TTLL4: variants seen among roughly 807,000 people sequenced by gnomAD.
TTLL4 encodes tubulin monoglutamylase TTLL4.
In TTLL4, 85 loss-of-function variants were observed where a neutral mutation model predicts 122.7. That is an observed-to-expected ratio of 0.69 (90% CI 0.58 to 0.83). The LOEUF (loss-of-function observed/expected upper bound fraction) is 0.83, where lower values mean the gene tolerates loss of function less well. Ranked by LOEUF, TTLL4 falls within the 40% of genes least tolerant of loss-of-function variation. The probability of loss-of-function intolerance (pLI) is 0.00; values close to 1 mark genes in which losing one functional copy is unlikely to be tolerated. For missense variants in TTLL4, 1,363 were observed against 1,488.6 expected, an observed-to-expected ratio of 0.92 and a Z score of 1.39; for synonymous variants, 553 against 563.0, an observed-to-expected ratio of 0.98 and a Z score of 0.25.
chr2:218,749,161 G>A, intron 13 of TTLL4, 92 bp from the exon 14 acceptor site: 1 of 1,551,942 alleles, frequency 6.4e-7, no homozygotes. Context: ...GCTTCTGCCT[G>A]CCTATCTCTG....
intron 1 of TTLL4, among the ~76,000 whole-genome samples, chr2:218,716,172 T>G (rs1322231575): frequency 6.6e-6 from 1 of 152,228 alleles, no homozygotes; most frequent in East Asian, 1.9e-4. Context: ...ATTCTAATTT[T>G]CTTTGGGAAG....
intron 19 of TTLL4, 152 bp from the exon 20 acceptor site, chr2:218,753,982 G>T (rs186616297): frequency 2.8e-5 from 34 of 1,219,318 alleles, no homozygotes; most frequent in Non-Finnish European, 3.0e-5. Context: ...CAAGTAAATA[G>T]AATTTTTTTT....
chr2:218,753,633 T>C lies in TTLL4; in HGVS notation c.3308T>C (p.Leu1103Pro). The change falls in exon 19 of 20, where the codon CTC (leucine) becomes CCC (proline). Residue 1103 changes from leucine (L) to proline (P), a missense_variant. Physicochemically the swap from Leu to Pro is moderately conservative, Grantham distance 98. This residue lies in a region of TTLL4 where 596 missense variants were observed against 655.8 expected (regional missense o/e 0.91). Coordinates refer to ENST00000392102, the MANE Select transcript of TTLL4 (RefSeq NM_014640.5). ...ACTATCTCAAAGGATGACGTGATACTCAATGCCTTCAGCAAATCAGAGACT... is the reference window on the plus strand; with the variant it reads ...ACTATCTCAAAGGATGACGTGATACCCAATGCCTTCAGCAAATCAGAGACT... ...LLTISKDDVI[L>P]NAFSKSETSK... 1.2e-6 allele frequency: 2 copies of C among 1,614,186 alleles called. No homozygotes were observed. The highest frequency in any genetic ancestry group is 8.5e-7 in the Non-Finnish European group (1 of 1,180,046).
chr2:218,755,987 T>A (rs763401064), downstream of TTLL4, among the ~76,000 whole-genome samples: 1 of 152,194 alleles, frequency 6.6e-6, no homozygotes. Context: ...AGTAAGGACT[T>A]TAAAGTCGGG....
At chr2:218,730,063 A>G (rs1452856372) in intron 2 of TTLL4, among the ~76,000 whole-genome samples, 1 of 152,100 alleles carries the variant, frequency 6.6e-6, no homozygotes, top group Non-Finnish European at 1.5e-5. Flanking sequence ...TATGTACAAG[A>G]TCATATGTCC....
chr2:218,712,036 A>G (rs778715066), intron 1 of TTLL4, among the ~76,000 whole-genome samples: 47 of 152,010 alleles, frequency 3.1e-4, no homozygotes, highest in Non-Finnish European at 6.2e-4. Flanking sequence ...CTTATATTGG[A>G]CTGAATCAAT....
Position 218,754,168 on chromosome 2 carries a change from T to C in TTLL4, c.3379T>C (p.Ser1127Pro), listed in dbSNP as rs774749581. ...CTCCTGTGAGGTTAGCCTACTACTC[T>C]CTGAAGACGGGACCACGCCCAAATC... ...QSSCEVSLLL[S>P]EDGTTPKSKK... The change falls in exon 20 of 20, where the codon TCT becomes CCT. Residue 1127 changes from serine to proline, a missense_variant. Ser to Pro is a moderately conservative substitution (Grantham distance 74). Around this residue, in one of 3 missense-constraint regions of TTLL4, gnomAD observed 596 missense variants for 655.8 expected, o/e 0.91. Transcript: ENST00000392102. 89 of 1,614,058 alleles carry C rather than the reference T, an allele frequency of 5.5e-5. No homozygotes were observed. The highest frequency in any genetic ancestry group is 7.4e-5 in the Non-Finnish European group (87 of 1,180,028).
At chr2:218,735,655 A>T (rs1192995410) in intron 2 of TTLL4, among the ~76,000 whole-genome samples, 1 of 152,130 alleles carries the variant, frequency 6.6e-6, no homozygotes, top group Non-Finnish European at 1.5e-5. Context: ...TTCCATTCAG[A>T]ATTATCCCAG....
At chr2:218,749,011 T>C (rs1942940006) in intron 13 of TTLL4, 77 bp downstream of exon 13, 6 of 1,499,396 alleles carry the variant, frequency 4.0e-6, no homozygotes, top group Non-Finnish European at 5.5e-6. Flanking sequence ...ACTGCTGTGC[T>C]CTGGACTTTG....
At position 218,746,136 on chromosome 2, in the gene TTLL4, C is replaced by A; in HGVS notation, c.1898-19C>A. Reference sequence around the variant, plus strand: ...GACTGAGCTGTTAGCAAGGCTGATTCCTGATGTACCTCCCATAGGAAACGA... The same window carrying A: ...GACTGAGCTGTTAGCAAGGCTGATTACTGATGTACCTCCCATAGGAAACGA... On this transcript the variant is annotated intron_variant, in intron 7 of 19. Coordinates refer to ENST00000392102, the MANE Select transcript of TTLL4 (RefSeq NM_014640.5). The A allele has an allele frequency of 6.2e-7, 1 of 1,614,076 alleles. No individual in the cohort carries two copies. The highest frequency in any genetic ancestry group is 8.5e-7 in the Non-Finnish European group (1 of 1,179,986).
rs548186206 is a variant in TTLL4 at position 218,730,311 on chromosome 2, C to CAAAAAAAAAAAAAAAAAAAAAAA, written c.-99+2980_-99+3002dup. Among the ~76,000 whole-genome samples, 16 of 14,302 alleles carry CAAAAAAAAAAAAAAAAAAAAAAA rather than the reference C, an allele frequency of 1.1e-3. 6 individuals carry two copies. The highest frequency in any genetic ancestry group is 3.1e-3 in the African/African-American group (10 of 3,250). The allele number at this position is 14,302 out of a possible 152,430, so 9.4% of individuals were successfully genotyped here. Reference sequence around the variant, plus strand: ...TGAAACCCCATCTTTACTAAAAATCCAAAAAAAAAAAAAAAAAAAAAAAAA... The same window carrying CAAAAAAAAAAAAAAAAAAAAAAA: ...TGAAACCCCATCTTTACTAAAAATCCAAAAAAAAAAAAAAAAAAAAAAAAAAAAAAAAAAAAAAAAAAAAAAAA... On this transcript the variant is annotated intron_variant, in intron 2 of 19. Transcript: ENST00000392102.
intron 4 of TTLL4, 27 bp downstream of exon 4, chr2:218,740,194 A>G (rs1387222512): frequency 2.5e-6 from 4 of 1,609,846 alleles, no homozygotes; most frequent in East Asian, 2.2e-5. Context: ...TTCACTTCCA[A>G]CTAGGAGTTG....
intron 6 of TTLL4, chr2:218,745,471 G>A (rs150846604): frequency 3.1e-6 from 2 of 640,728 alleles, no homozygotes; most frequent in Non-Finnish European, 5.4e-6. Context: ...CTTCAACCTT[G>A]TTGCTTTTCC....
intron 1 of TTLL4, among the ~76,000 whole-genome samples, chr2:218,721,029 G>C (rs1942020683): frequency 6.6e-6 from 1 of 152,152 alleles, no homozygotes; most frequent in Non-Finnish European, 1.5e-5. Context: ...GAATGTACCT[G>C]GCACTCCCGG....
Position 218,738,300 on chromosome 2 carries a change from A to G in TTLL4, c.624A>G (p.Pro208=), listed in dbSNP as rs773382067. ...CCATCTCAGGGAAGATCCCATCTCC[A>G]CTCTCTTCCTCCTATAAGCCCATGC... ...ASAISGKIPS[P]LSSSYKPMLN... is the part of the protein sequence containing the mutation. Residue 208 remains proline (P), a synonymous_variant, in exon 3 of 20, where the codon CCA becomes CCG. Coordinates refer to ENST00000392102, the MANE Select transcript of TTLL4 (RefSeq NM_014640.5). The G allele has an allele frequency of 2.3e-5, 37 of 1,613,574 alleles. No individual in the cohort carries two copies. The highest frequency in any genetic ancestry group is 3.3e-5 in the Admixed American group (2 of 59,972).
chr2:218,719,732 ATC>A (rs1461382333), intron 1 of TTLL4, among the ~76,000 whole-genome samples: 1 of 152,246 alleles, frequency 6.6e-6, no homozygotes, highest in Non-Finnish European at 1.5e-5. Context: ...AGGACTTTGC[ATC>A]TCAGGTTATT....
Position 218,745,199 on chromosome 2 carries a change from C to G in TTLL4, c.1752C>G (p.Pro584=), listed in dbSNP as rs914304142. ...TCTACAGTCTCTTTCCCAACGTTCC[C>G]CCTACCATCTATTTTGGCACTCGGG... The part of the protein sequence containing the change: ...ALIYSLFPNV[P]PTIYFGTRDE... Residue 584 remains proline, a synonymous_variant, in exon 6 of 20, where the codon CCC becomes CCG. Transcript: ENST00000392102. 3.7e-6 allele frequency: 6 copies of G among 1,613,988 alleles called. No individual in the cohort carries two copies. The highest frequency in any genetic ancestry group is 1.3e-5 in the African/African-American group (1 of 74,900).
chr2:218,751,606 T>C (rs1943015178), intron 15 of TTLL4, 98 bp from the exon 16 acceptor site: 2 of 1,458,946 alleles, frequency 1.4e-6, no homozygotes, highest in Admixed American at 5.3e-5. Context: ...TTGTCTTCTC[T>C]CAAGAAGGGT....
chr2:218,728,476 C>G (rs1178949577), intron 2 of TTLL4, among the ~76,000 whole-genome samples: 1 of 152,148 alleles, frequency 6.6e-6, no homozygotes, highest in East Asian at 1.9e-4. Context: ...AGGTGGATCT[C>G]AGGTGGTAAT....
Sources: gnomAD v4.1 joint callset for allele counts (sites outside exome capture counted in the v4.1 genomes callset) on GRCh38, gnomAD v4.1.1 for gene constraint, gnomAD v4.1.1 regional missense constraint, MANE v1.5 for transcripts, NCBI Gene and HGNC (gene_info 2026-07-23, HGNC 2026-07-21) for gene names.